The following CARMIL2 variants were observed in gnomAD, a reference collection of about 807,000 sequenced individuals.
CARMIL2 encodes the protein capping protein regulator and myosin 1 linker 2, also known as capping protein, Arp2/3 and myosin-I linker protein 2.
Under a neutral mutation model 173.3 loss-of-function variants are expected in CARMIL2, and 96 were observed. The observed-to-expected ratio is 0.55, with a 90% confidence interval of 0.47 to 0.66. The LOEUF is 0.66. CARMIL2 is among the 30% of genes least tolerant of loss of function. The pLI is 0.00. For missense variants in CARMIL2, 1,771 were observed against 1,906.7 expected (o/e 0.93, Z 1.33); for synonymous variants, 830 against 817.1 (o/e 1.02, Z -0.27).
Position 67,654,532 on chromosome 16 carries a change from G to A in CARMIL2, c.3422G>A (p.Arg1141His), listed in dbSNP as rs766381878. The change falls in exon 31 of 38, where the codon CGT becomes CAT. Residue 1141 changes from arginine to histidine, a missense_variant. By Grantham distance (29) the Arg-to-His change is conservative. Transcript: ENST00000334583. ...TFGDLLRPPT[R>H]PSRGEELGGA... The stretch of plus-strand genomic sequence containing the variant: ...GGCGACCTACTGCGGCCGCCAACCC[G>A]TCCCAGCCGTGGTGAGGAGCTTGGT... 11 of 1,611,630 alleles carry A rather than the reference G, an allele frequency of 6.8e-6. No individual in the cohort carries two copies. In the East Asian group the frequency reaches 2.0e-4, roughly 29 times the overall value.
Position 67,645,159 on chromosome 16 carries a change from GGGT to G in CARMIL2, c.-87_-85del. 1 of 1,009,480 alleles carries G rather than the reference GGGT, an allele frequency of 9.9e-7. No homozygotes were observed. The highest frequency in any genetic ancestry group is 1.5e-5 in the South Asian group (1 of 65,224). 62.5% of individuals were successfully genotyped at this position (1,009,480 alleles called of 1,614,324 possible). On this transcript the variant is annotated 5_prime_UTR_variant, in exon 1 of 38. Coordinates refer to ENST00000334583, the MANE Select transcript of CARMIL2 (RefSeq NM_001013838.3). ...CCGGAGGAGCAGGTGGCTGCCGTGCGGGTCTGGGCCCCAGGCTTCCTGTGTGCG... is the reference window on the plus strand; with the variant it reads ...CCGGAGGAGCAGGTGGCTGCCGTGCGCTGGGCCCCAGGCTTCCTGTGTGCG...
Position 67,646,616 on chromosome 16 carries a change from A to C in CARMIL2, c.467-98A>C. 6.4e-7 allele frequency: 1 copy of C among 1,567,732 alleles called. No homozygotes were observed. The highest frequency in any genetic ancestry group is 8.8e-7 in the Non-Finnish European group (1 of 1,139,154). On this transcript the variant is annotated intron_variant, in intron 6 of 37. Transcript: ENST00000334583. This position sits in a 1 kb window ranked among gnomAD's most constrained non-coding sequence, Gnocchi z 4.6. Reference sequence around the variant, plus strand: ...GGCCCCAAACTGAACAGAGCCATTCAGGTCCCAGCCACCACCTAGTCTGTG... The same window carrying C: ...GGCCCCAAACTGAACAGAGCCATTCCGGTCCCAGCCACCACCTAGTCTGTG...
In CARMIL2 at chr16:67,648,206, C is replaced by G. The variant is rs369503296; in HGVS notation, c.1226C>G (p.Pro409Arg). 11 of 1,605,192 alleles carry G rather than the reference C, an allele frequency of 6.9e-6. No homozygotes were observed. The highest frequency in any genetic ancestry group is 8.5e-6 in the Non-Finnish European group (10 of 1,176,740). The change falls in exon 14 of 38, where the codon CCC becomes CGC. Residue 409 changes from proline to arginine, a missense_variant. By Grantham distance (103) the Pro-to-Arg change is moderately radical (BLOSUM62 -2). Transcript: ENST00000334583. This position sits in a 1 kb window ranked among gnomAD's most constrained non-coding sequence, Gnocchi z 6.1. ...GCGGGACGGGGAGGGCTCGGTCCCC[C>G]CGCGGGTGTAGCCAACAGCCTCCCC... ...WRAGRGGLGP[P>R]AGVANSLPPQ...
rs1159255326 is a variant in CARMIL2, at chr16:67,652,899, G to A, written c.2885-120G>A. On this transcript the variant is annotated intron_variant, in intron 28 of 37. Coordinates refer to ENST00000334583, the MANE Select transcript of CARMIL2 (RefSeq NM_001013838.3). This position sits in a 1 kb window ranked among gnomAD's most constrained non-coding sequence, Gnocchi z 4.7. ...GGGGCGGAGGGGCAGAGGGGCGGGGGGACGGGCGGCGTAGCCGGGCCCCTC... is the reference window on the plus strand; with the variant it reads ...GGGGCGGAGGGGCAGAGGGGCGGGGAGACGGGCGGCGTAGCCGGGCCCCTC... 1 of 249,702 alleles carries A rather than the reference G, an allele frequency of 4.0e-6. No homozygotes were observed. Among genetic ancestry groups the A allele is most frequent in the Non-Finnish European group, 7.0e-6 (1 of 142,686 alleles). 15.5% of individuals were successfully genotyped at this position (249,702 alleles called of 1,614,324 possible).
Position 67,647,139 on chromosome 16 carries a change from C to T in CARMIL2, c.635C>T (p.Ala212Val). Residue 212 changes from alanine to valine, a missense_variant, in exon 9 of 38, where the codon GCC (alanine) becomes GTC (valine). Around this residue, in one of 3 missense-constraint regions of CARMIL2, gnomAD observed 944 missense variants for 975.6 expected, o/e 0.97. Coordinates refer to ENST00000334583, the MANE Select transcript of CARMIL2 (RefSeq NM_001013838.3). ...AGGGACCTGGCCTTGAGTGTGGCTG[C>T]CCTGTCCTACAACCTGTGGTTCCGG... ...GSRDLALSVA[A>V]LSYNLWFRCL... The T allele has an allele frequency of 6.2e-7, 1 of 1,613,722 alleles. No individual in the cohort carries two copies. Among genetic ancestry groups the T allele is most frequent in the Non-Finnish European group, 8.5e-7 (1 of 1,179,850 alleles).
At chr16:67,654,095 G>GGGT in intron 29 of CARMIL2, 54 bp from the exon 30 acceptor site, 1 of 855,836 alleles carries the variant, frequency 1.2e-6, no homozygotes, top group Non-Finnish European at 1.6e-6. Flanking sequence ...GGGGGGGGGG[G>GGGT]TAGAAGCCAG....
In CARMIL2 at chr16:67,653,411, A is replaced by C. The variant is rs1307025049; in HGVS notation, c.3120+157A>C. On this transcript the variant is annotated intron_variant, in intron 29 of 37. Transcript: ENST00000334583. The surrounding 1 kb of genome is among the most constrained non-coding windows in gnomAD (Gnocchi z 7.4). ...GTCACATCCTGGCTTCTTCCTGACC[A>C]CCCCCCACCCCAGGCCATGCCTGTG... Among the ~76,000 whole-genome samples, 1 of 150,542 alleles carries C rather than the reference A, an allele frequency of 6.6e-6. No homozygotes were observed. Among genetic ancestry groups the C allele is most frequent in the Non-Finnish European group, 1.5e-5 (1 of 67,676 alleles).
intron 36 of CARMIL2, 25 bp downstream of exon 36, chr16:67,656,906 G>A: frequency 6.6e-7 from 1 of 1,512,182 alleles, no homozygotes; most frequent in Non-Finnish European, 8.9e-7. Flanking sequence ...CTCCACGTGT[G>A]CTTGAATGCA....
intron 21 of CARMIL2, 37 bp downstream of exon 21, chr16:67,650,005 G>A (rs777355584): frequency 4.3e-6 from 7 of 1,613,448 alleles, no homozygotes; most frequent in Admixed American, 1.7e-5. Context: ...TTCTCTGCAC[G>A]GTAACTCCGT....
chr16:67,646,123 C>T lies in CARMIL2; in HGVS notation c.249+43C>T, dbSNP rs1214686198. On this transcript the variant is annotated intron_variant, in intron 4 of 37. Transcript: ENST00000334583. This position sits in a 1 kb window ranked among gnomAD's most constrained non-coding sequence, Gnocchi z 4.6. ...CTACCTGGGCCTGCAGCCTGGTCTTCATGCTACCACCATCACCTGCGCCCA... is the reference window on the plus strand; with the variant it reads ...CTACCTGGGCCTGCAGCCTGGTCTTTATGCTACCACCATCACCTGCGCCCA... 6 of 1,613,822 alleles carry T rather than the reference C, an allele frequency of 3.7e-6. No individual in the cohort carries two copies. The highest frequency in any genetic ancestry group is 5.1e-6 in the Non-Finnish European group (6 of 1,179,856).
At position 67,645,524 on chromosome 16, in the gene CARMIL2, G is replaced by C; in HGVS notation, c.41-16G>C. On this transcript the variant is annotated splice_polypyrimidine_tract_variant and intron_variant, in intron 1 of 37. Transcript: ENST00000334583. ...GTGCAAGGACTGAAGTCACCCAGCA[G>C]GCTGCCCTTCCACAGGCGAGATCAC... The C allele has an allele frequency of 6.3e-7, 1 of 1,581,028 alleles. No individual in the cohort carries two copies. The highest frequency in any genetic ancestry group is 1.1e-5 in the South Asian group (1 of 87,362).
chr16:67,646,643 G>T lies in CARMIL2; in HGVS notation c.467-71G>T. On this transcript the variant is annotated intron_variant, in intron 6 of 37. Coordinates refer to ENST00000334583, the MANE Select transcript of CARMIL2 (RefSeq NM_001013838.3). This position sits in a 1 kb window ranked among gnomAD's most constrained non-coding sequence, Gnocchi z 4.6. ...GTCCCAGCCACCACCTAGTCTGTGG[G>T]TCTGGTCTTCCTCCATCGCTGATGT... The T allele has an allele frequency of 6.3e-7, 1 of 1,584,554 alleles. No individual in the cohort carries two copies. Among genetic ancestry groups the T allele is most frequent in the South Asian group, 1.1e-5 (1 of 90,526 alleles).
Position 67,656,648 on chromosome 16 carries a change from AG to A in CARMIL2, c.4036+5del. 6.3e-7 allele frequency: 1 copy of A among 1,583,888 alleles called. No homozygotes were observed. The highest frequency in any genetic ancestry group is 8.6e-7 in the Non-Finnish European group (1 of 1,165,916). On this transcript the variant is annotated splice_donor_region_variant and intron_variant, in intron 35 of 37. Coordinates refer to ENST00000334583, the MANE Select transcript of CARMIL2 (RefSeq NM_001013838.3). ...TTGCTTGGGCCCCAGAAATGAAGGT[AG>A]GCAGGCACCTGATTCCCCACCCCAA... is the stretch of plus-strand genomic sequence containing the variant.
rs2142933216 is a variant in CARMIL2, at chr16:67,651,404, C to T, written c.2317C>T (p.Leu773Phe). 1 of 1,590,710 alleles carries T rather than the reference C, an allele frequency of 6.3e-7. No individual in the cohort carries two copies. Reference sequence around the variant, plus strand: ...GCTTTTCCTCTTTGGCCCTCAGATTCTCCCCATTCTATATGAAGCTGGAAG... The same window carrying T: ...GCTTTTCCTCTTTGGCCCTCAGATTTTCCCCATTCTATATGAAGCTGGAAG... ...IQNANFSLSI[L>F]PILYEAGSSP... The change falls in exon 24 of 38, where the codon CTC (leucine) becomes TTC (phenylalanine). Residue 773 changes from leucine to phenylalanine, a missense_variant. Transcript: ENST00000334583. The surrounding 1 kb of genome is among the most constrained non-coding windows in gnomAD (Gnocchi z 4.2).
chr16:67,649,218 ACCCCTGTC>A lies in CARMIL2; in HGVS notation c.1689-31_1689-24del. The A allele has an allele frequency of 6.2e-7, 1 of 1,611,498 alleles. No individual in the cohort carries two copies. The highest frequency in any genetic ancestry group is 1.3e-5 in the African/African-American group (1 of 74,438). On this transcript the variant is annotated intron_variant, in intron 18 of 37. Coordinates refer to ENST00000334583, the MANE Select transcript of CARMIL2 (RefSeq NM_001013838.3). This position sits in a 1 kb window ranked among gnomAD's most constrained non-coding sequence, Gnocchi z 6.7. ...TGGGCCTCCCAGACAACACCCCACCACCCCTGTCCCCCACAACTGCGGCCCCTGCCCAC... is the reference window on the plus strand; with the variant it reads ...TGGGCCTCCCAGACAACACCCCACCACCCCACAACTGCGGCCCCTGCCCAC...
At position 67,649,276 on chromosome 16, in the gene CARMIL2, C is replaced by T; in HGVS notation, c.1711C>T (p.His571Tyr). The T allele has an allele frequency of 1.2e-6, 2 of 1,613,286 alleles. No homozygotes were observed. The highest frequency in any genetic ancestry group is 1.7e-6 in the Non-Finnish European group (2 of 1,179,728). The part of the protein sequence containing the change: ...RCKETLDDVL[H>Y]RIVQLMQDDD... ...CAGGGAGACCCTGGACGACGTCCTG[C>T]ACCGGATTGTCCAGCTCATGCAGGA... Residue 571 changes from histidine to tyrosine, a missense_variant, in exon 19 of 38, where the codon CAC becomes TAC. Physicochemically the swap from His to Tyr is moderately conservative, Grantham distance 83. Around this residue, in one of 3 missense-constraint regions of CARMIL2, gnomAD observed 944 missense variants for 975.6 expected, o/e 0.97. Coordinates refer to ENST00000334583, the MANE Select transcript of CARMIL2 (RefSeq NM_001013838.3). The surrounding 1 kb of genome is among the most constrained non-coding windows in gnomAD (Gnocchi z 6.7).
At chr16:67,647,092 C>T in intron 8 of CARMIL2, 24 bp from the exon 9 acceptor site, 1 of 1,613,048 alleles carries the variant, frequency 6.2e-7, no homozygotes, top group Non-Finnish European at 8.5e-7. Context: ...CTGAGCTCTG[C>T]CTCTGTTCCC....
chr16:67,647,286 C>A lies in CARMIL2; in HGVS notation c.688-13C>A. On this transcript the variant is annotated splice_polypyrimidine_tract_variant and intron_variant, in intron 9 of 37. Transcript: ENST00000334583. Reference sequence around the variant, plus strand: ...AGGGTGCAGCCCGTGAGCCGCCGCCCTCTGCTTCTCAGAGCCTTGAGGTCT... The same window carrying A: ...AGGGTGCAGCCCGTGAGCCGCCGCCATCTGCTTCTCAGAGCCTTGAGGTCT... 6.2e-7 allele frequency: 1 copy of A among 1,608,476 alleles called. No homozygotes were observed. Among genetic ancestry groups the A allele is most frequent in the South Asian group, 1.1e-5 (1 of 90,502 alleles).
In CARMIL2 at chr16:67,652,358, C is replaced by T. The variant is rs745825817; in HGVS notation, c.2817+19C>T. ...GGAGAAGGTAAGTGGTTTTAGAACA[C>T]GGGGCATGGCACTCCCAGTCTTCCC... On this transcript the variant is annotated intron_variant, in intron 27 of 37. Coordinates refer to ENST00000334583, the MANE Select transcript of CARMIL2 (RefSeq NM_001013838.3). The surrounding 1 kb of genome is among the most constrained non-coding windows in gnomAD (Gnocchi z 4.7). 7.4e-6 allele frequency: 12 copies of T among 1,612,516 alleles called. No homozygotes were observed. In the Admixed American group the frequency reaches 1.8e-4, roughly 25 times the overall value.
Sources: gnomAD v4.1 joint callset for allele counts (sites outside exome capture counted in the v4.1 genomes callset) on GRCh38, gnomAD v4.1.1 for gene constraint, gnomAD v4.1.1 regional missense constraint, Gnocchi (gnomAD v3.1) non-coding constraint, MANE v1.5 for transcripts, NCBI Gene and HGNC (gene_info 2026-07-23, HGNC 2026-07-21) for gene names.